HEPHL1: variants seen among roughly 807,000 people sequenced by gnomAD.
HEPHL1 encodes the protein ferroxidase HEPHL1.
HEPHL1 carries 123 observed loss-of-function variants against 122.0 expected under a neutral mutation model. The observed-to-expected ratio is 1.01, with a 90% CI of 0.87 to 1.17. HEPHL1 has a LOEUF of 1.17. Among genes scored for constraint, HEPHL1 ranks in the 50% most tolerant of loss-of-function variants. The pLI is 0.00. For missense variants in HEPHL1, 1,452 were observed against 1,430.5 expected, an observed-to-expected ratio of 1.01 and a Z score of -0.24; for synonymous variants, 527 against 508.9, an observed-to-expected ratio of 1.04 and a Z score of -0.48.
At chr11:94,070,647 T>C in intron 6 of HEPHL1, 105 bp downstream of exon 6, 1 of 912,582 alleles carries the variant, frequency 1.1e-6, no homozygotes, top group Non-Finnish European at 1.7e-6. Flanking sequence ...GATGAGCTTA[T>C]ACTGCATAGA....
chr11:94,024,945 T>G (rs1945611910), intron 1 of HEPHL1, among the ~76,000 whole-genome samples: 2 of 152,164 alleles, frequency 1.3e-5, no homozygotes, highest in Admixed American at 1.3e-4. Context: ...TCAACTGAGT[T>G]GTTCTGGTTG....
intron 18 of HEPHL1, 100 bp downstream of exon 18, chr11:94,111,165 G>C: frequency 1.1e-6 from 1 of 917,460 alleles, no homozygotes; most frequent in Non-Finnish European, 1.6e-6. Context: ...CCCTCAACAA[G>C]CTCAGAGTCA....
rs1192955789 is a variant in HEPHL1 at position 94,063,546 on chromosome 11, A to C, written c.454A>C (p.Asn152His). The change falls in exon 3 of 20, where the codon AAT (asparagine) becomes CAT (histidine). Residue 152 changes from asparagine to histidine, a missense_variant. Coordinates refer to ENST00000315765, the MANE Select transcript of HEPHL1 (RefSeq NM_001098672.2). ...AGATGGAACATCTGGAAGGAACAAA[A>C]ATGATGACATGGTTCCTCCTGGGAA... ...YPDGTSGRNKNDDMVPPGKNY... is the reference protein window; with the variant it reads ...YPDGTSGRNKHDDMVPPGKNY... The C allele has an allele frequency of 6.2e-7, 1 of 1,612,930 alleles. No homozygotes were observed. The highest frequency in any genetic ancestry group is 2.2e-5 in the East Asian group (1 of 44,818).
At position 94,021,414 on chromosome 11, in the gene HEPHL1, C is replaced by A; in HGVS notation, c.46C>A (p.Leu16Met). 6.2e-7 allele frequency: 1 copy of A among 1,613,618 alleles called. No homozygotes were observed. The highest frequency in any genetic ancestry group is 8.5e-7 in the Non-Finnish European group (1 of 1,179,712). The change falls in exon 1 of 20, where the codon CTG becomes ATG. Residue 16 changes from leucine (L) to methionine (M), a missense_variant. Physicochemically the swap from Leu to Met is conservative, Grantham distance 15. Transcript: ENST00000315765. Reference protein sequence around the residue: ...PAGCIFLLTFLGLSGLVGTVT... With the variant: ...PAGCIFLLTFMGLSGLVGTVT... ...TGGCTGCATCTTTCTCCTCACATTCCTGGGTCTGTCTGGGCTGGTTGGCAC... is the reference window on the plus strand; with the variant it reads ...TGGCTGCATCTTTCTCCTCACATTCATGGGTCTGTCTGGGCTGGTTGGCAC...
intron 1 of HEPHL1, among the ~76,000 whole-genome samples, chr11:94,023,681 AAG>A (rs1945600332): frequency 6.6e-6 from 1 of 152,202 alleles, no homozygotes. Context: ...CTGGCATGCT[AAG>A]GTGTCATACC....
intron 9 of HEPHL1, 39 bp downstream of exon 9, chr11:94,075,424 A>G (rs763020657): frequency 6.9e-7 from 1 of 1,450,742 alleles, no homozygotes; most frequent in Non-Finnish European, 9.3e-7. Flanking sequence ...TCAGGGTTGT[A>G]TGTGGGAGAG....
intron 1 of HEPHL1, among the ~76,000 whole-genome samples, chr11:94,026,614 C>T (rs1945627802): frequency 6.6e-6 from 1 of 152,200 alleles, no homozygotes; most frequent in Admixed American, 6.5e-5. Flanking sequence ...CTAAGTGTCA[C>T]TGAGTATTTA....
rs556037808 is a variant in HEPHL1, at chr11:94,067,613, A to G, written c.926A>G (p.Tyr309Cys). ...NEIDIHSIYF[Y>C]GNTFISRGHR... The stretch of plus-strand genomic sequence containing the variant: ...ATAGACATCCATTCTATCTATTTCT[A>G]TGGTAACACCTTCATCAGCAGAGGG... Residue 309 changes from tyrosine to cysteine, a missense_variant, in exon 5 of 20, where the codon TAT becomes TGT. Transcript: ENST00000315765. The G allele has an allele frequency of 3.7e-6, 6 of 1,613,846 alleles. No homozygotes were observed. The highest frequency in any genetic ancestry group is 3.3e-5 in the Admixed American group (2 of 60,008).
In HEPHL1 at chr11:94,088,840, G is replaced by C. The variant is rs368779967; in HGVS notation, c.2166G>C (p.Arg722Ser). ...ATGAGGTCAGCAGCTGTGACAACAG[G>C]GACCCTTCTGAGCAGCGGTACGGGA... ...QIYEVSSCDN[R>S]DPSEQRYGMI... The change falls in exon 12 of 20, where the codon AGG (arginine) becomes AGC (serine). Residue 722 changes from arginine to serine, a missense_variant. Transcript: ENST00000315765. 1 of 1,613,946 alleles carries C rather than the reference G, an allele frequency of 6.2e-7. No homozygotes were observed. Among genetic ancestry groups the C allele is most frequent in the Non-Finnish European group, 8.5e-7 (1 of 1,179,880 alleles).
intron 5 of HEPHL1, among the ~76,000 whole-genome samples, chr11:94,069,968 T>C (rs1331206666): frequency 6.6e-6 from 1 of 152,202 alleles, no homozygotes; most frequent in African/African-American, 2.4e-5. Context: ...ATTATTAGTC[T>C]TTCTAATCTT....
At chr11:94,106,187 A>T in intron 17 of HEPHL1, 57 bp downstream of exon 17, 1 of 1,349,810 alleles carries the variant, frequency 7.4e-7, no homozygotes, top group Non-Finnish European at 1.0e-6. Context: ...AATTCAATGT[A>T]TTTCCAGTGG....
chr11:94,022,903 C>T (rs1357240692), intron 1 of HEPHL1, among the ~76,000 whole-genome samples: 1 of 152,214 alleles, frequency 6.6e-6, no homozygotes, highest in Non-Finnish European at 1.5e-5. Flanking sequence ...AAAGTGTGTA[C>T]ACTGAGTGTA....
intron 9 of HEPHL1, among the ~76,000 whole-genome samples, chr11:94,079,969 AAGG>A (rs1396997672): frequency 6.6e-6 from 1 of 152,154 alleles, no homozygotes; most frequent in Non-Finnish European, 1.5e-5. Flanking sequence ...TGGAACCAAA[AAGG>A]AGCCCATATA....
rs1313265624 is a variant in HEPHL1 at position 94,045,697 on chromosome 11, A to T, written c.195A>T (p.Arg65Ser). ...EDKLATLFLE[R>S]GPNRIGSIYK... ...GACTTGCAACCTTATTTCTCGAAAG[A>T]GGGCCCAACAGGATAGGCAGTATTT... The change falls in exon 2 of 20, where the codon AGA (arginine) becomes AGT (serine). Residue 65 changes from arginine to serine, a missense_variant. By Grantham distance (110) the Arg-to-Ser change is moderately radical. Coordinates refer to ENST00000315765, the MANE Select transcript of HEPHL1 (RefSeq NM_001098672.2). The T allele has an allele frequency of 5.6e-6, 9 of 1,608,940 alleles. No homozygotes were observed. The South Asian group carries it at 1.0e-4, about 18-fold the overall frequency.
At chr11:94,034,470 C>T (rs1238733009) in intron 1 of HEPHL1, among the ~76,000 whole-genome samples, 2 of 152,160 alleles carry the variant, frequency 1.3e-5, no homozygotes, top group Admixed American at 1.3e-4. Flanking sequence ...GAAGATGAAG[C>T]CCTGAAAATA....
At chr11:94,108,938 G>T (rs12222234) in intron 17 of HEPHL1, among the ~76,000 whole-genome samples, 104,615 of 151,874 alleles carry the variant, frequency 0.69, 36,158 homozygotes, top group Admixed American at 0.76. Context: ...TTGCACTGAA[G>T]CTATACAATG....
chr11:94,112,429 A>G lies in HEPHL1; in HGVS notation c.*535A>G, dbSNP rs1180393383. On this transcript the variant is annotated 3_prime_UTR_variant, in exon 20 of 20. Coordinates refer to ENST00000315765, the MANE Select transcript of HEPHL1 (RefSeq NM_001098672.2). ...GTCTGCTGATAGAATTAGACCAAAT[A>G]AATTTTTTGGAGGCTTTAACCAGCT... The G allele has an allele frequency of 2.0e-5, 3 of 152,232 alleles. No individual in the cohort carries two copies. Among genetic ancestry groups the G allele is most frequent in the African/African-American group, 7.2e-5 (3 of 41,454 alleles). The allele number at this position is 152,232 out of a possible 1,614,324, so 9.4% of individuals were successfully genotyped here.
At chr11:94,032,950 A>G (rs1945689332) in intron 1 of HEPHL1, among the ~76,000 whole-genome samples, 2 of 152,224 alleles carry the variant, frequency 1.3e-5, no homozygotes, top group South Asian at 4.2e-4. Flanking sequence ...CAGTAAACAC[A>G]CCGCACCTGC....
chr11:94,057,576 T>A (rs1041015339), intron 2 of HEPHL1, among the ~76,000 whole-genome samples: 8 of 152,188 alleles, frequency 5.3e-5, no homozygotes, highest in Admixed American at 2.6e-4. Context: ...ATTTAATTTA[T>A]TGTACTTTTC....
Sources: gnomAD v4.1 joint callset for allele counts (sites outside exome capture counted in the v4.1 genomes callset) on GRCh38, gnomAD v4.1.1 for gene constraint, MANE v1.5 for transcripts, NCBI Gene and HGNC (gene_info 2026-07-23, HGNC 2026-07-21) for gene names.